Variants in IQGAP2 observed in about 807,000 individuals in gnomAD.
The protein encoded by IQGAP2 is IQ motif containing GTPase activating protein 2.
Under a neutral mutation model 201.3 loss-of-function variants are expected in IQGAP2, and 173 were observed. The ratio of observed to expected loss-of-function variants is 0.86; its 90% CI spans 0.76 to 0.98. The LOEUF (loss-of-function observed/expected upper bound fraction) is 0.98, where lower values mean the gene tolerates loss of function less well. Ranked by LOEUF, IQGAP2 falls within the 50% of genes least tolerant of loss-of-function variation. The pLI is 0.00. For synonymous variants in IQGAP2, 675 were observed against 673.9 expected, an observed-to-expected ratio of 1.00 and a Z score of -0.03; for missense variants, 1,687 against 1,864.8, an observed-to-expected ratio of 0.90 and a Z score of 1.76.
At position 76,677,291 on chromosome 5, in the gene IQGAP2, G is replaced by A. The variant is rs1280502923; in HGVS notation, c.3601G>A (p.Val1201Met). The part of the protein sequence containing the change: ...KFNMDKYTDL[V>M]TVSKPVIYIS... The stretch of plus-strand genomic sequence containing the variant: ...TAATATGGACAAATACACAGACCTG[G>A]TGACAGTCAGCAAACCAGTCATTTA... The change falls in exon 28 of 36, where the codon GTG becomes ATG. Residue 1201 changes from valine to methionine, a missense_variant. Physicochemically the swap from Val to Met is conservative, Grantham distance 21. Coordinates refer to ENST00000274364, the MANE Select transcript of IQGAP2 (RefSeq NM_006633.5). The A allele has an allele frequency of 6.2e-7, 1 of 1,613,452 alleles. No individual in the cohort carries two copies. Among genetic ancestry groups the A allele is most frequent in the Non-Finnish European group, 8.5e-7 (1 of 1,179,616 alleles).
intron 1 of IQGAP2, among the ~76,000 whole-genome samples, chr5:76,452,749 T>A (rs1753837111): frequency 6.6e-6 from 1 of 152,112 alleles, no homozygotes; most frequent in Non-Finnish European, 1.5e-5. Flanking sequence ...GCACTTCAGT[T>A]TAGTAGAAAG....
chr5:76,463,759 T>C (rs561383920), intron 2 of IQGAP2, among the ~76,000 whole-genome samples: 99 of 152,336 alleles, frequency 6.5e-4, no homozygotes, highest in African/African-American at 2.3e-3. Flanking sequence ...CTAAGATGGC[T>C]TTTCATAAAT....
intron 17 of IQGAP2, among the ~76,000 whole-genome samples, chr5:76,643,362 A>G (rs1751746356): frequency 6.6e-6 from 1 of 152,262 alleles, no homozygotes; most frequent in African/African-American, 2.4e-5. Flanking sequence ...AAAATCCACA[A>G]AAGATGAGAG....
At chr5:76,595,872 A>G (rs1172310642) in intron 9 of IQGAP2, among the ~76,000 whole-genome samples, 4 of 152,200 alleles carry the variant, frequency 2.6e-5, no homozygotes, top group Admixed American at 1.3e-4. Flanking sequence ...TAAATTTATC[A>G]AAGGTAAAGC....
At position 76,665,023 on chromosome 5, in the gene IQGAP2, C is replaced by G. The variant is rs781064071; in HGVS notation, c.2530-3C>G. The G allele has an allele frequency of 2.7e-6, 4 of 1,502,150 alleles. No homozygotes were observed. The East Asian group carries it at 6.8e-5, about 25-fold the overall frequency. 93.1% of individuals were successfully genotyped at this position (1,502,150 alleles called of 1,614,324 possible). On this transcript the variant is annotated splice_polypyrimidine_tract_variant and splice_region_variant and intron_variant, in intron 21 of 35. Transcript: ENST00000274364. ...AGGAGTAATCTCATCAAATTTTTTA[C>G]AGGATGTAATTTCACATAGTAAAAA... is the stretch of plus-strand genomic sequence containing the variant.
At chr5:76,695,301 C>G (rs1005185887) in intron 31 of IQGAP2, among the ~76,000 whole-genome samples, 153 bp from the exon 32 acceptor site, 1 of 152,202 alleles carries the variant, frequency 6.6e-6, no homozygotes, top group Non-Finnish European at 1.5e-5. Flanking sequence ...CAAAGACCTA[C>G]TTCAAAACTC....
intron 2 of IQGAP2, among the ~76,000 whole-genome samples, chr5:76,551,465 G>C (rs959298393): frequency 1.3e-5 from 2 of 152,152 alleles, no homozygotes; most frequent in Non-Finnish European, 2.9e-5. Flanking sequence ...CGGCCGGGCA[G>C]AGGCTGCAAT....
intron 1 of IQGAP2, among the ~76,000 whole-genome samples, chr5:76,435,784 A>G (rs1752617771): frequency 6.6e-6 from 1 of 152,126 alleles, no homozygotes; most frequent in Non-Finnish European, 1.5e-5. Flanking sequence ...CAGTATGGTC[A>G]TTTTCACAAT....
intron 8 of IQGAP2, among the ~76,000 whole-genome samples, chr5:76,591,437 G>A (rs887935879): frequency 1.3e-5 from 2 of 152,096 alleles, no homozygotes; most frequent in African/African-American, 2.4e-5. Flanking sequence ...GTCCATTATT[G>A]AAAAATTTGT....
At chr5:76,413,097 A>G (rs1020894443) in intron 1 of IQGAP2, among the ~76,000 whole-genome samples, 5 of 139,558 alleles carry the variant, frequency 3.6e-5, no homozygotes, top group African/African-American at 1.4e-4. Context: ...GTTCTTTTTC[A>G]CTTTAACAGA....
At chr5:76,667,573 T>A (rs1205457737) in intron 22 of IQGAP2, among the ~76,000 whole-genome samples, 2 of 152,176 alleles carry the variant, frequency 1.3e-5, no homozygotes, top group African/African-American at 4.8e-5. Flanking sequence ...TGGTTCTGTA[T>A]CCAATGGGTC....
At chr5:76,537,530 G>A (rs1011074033) in intron 2 of IQGAP2, among the ~76,000 whole-genome samples, 1 of 151,162 alleles carries the variant, frequency 6.6e-6, no homozygotes, top group African/African-American at 2.4e-5. Flanking sequence ...TTCTGCTAAA[G>A]GTCAGACTGT....
chr5:76,693,339 T>A lies in IQGAP2; in HGVS notation c.3906-16T>A. 1 of 1,594,534 alleles carries A rather than the reference T, an allele frequency of 6.3e-7. No individual in the cohort carries two copies. The highest frequency in any genetic ancestry group is 8.6e-7 in the Non-Finnish European group (1 of 1,165,568). On this transcript the variant is annotated splice_polypyrimidine_tract_variant and intron_variant, in intron 30 of 35. Coordinates refer to ENST00000274364, the MANE Select transcript of IQGAP2 (RefSeq NM_006633.5). ...ACTACAGTCTGAAAGTCTGTCTCTTTCTCTGGTTTGTTAAGGACCAAGAAG... is the reference window on the plus strand; with the variant it reads ...ACTACAGTCTGAAAGTCTGTCTCTTACTCTGGTTTGTTAAGGACCAAGAAG...
At chr5:76,600,772 G>A (rs1187982540) in intron 10 of IQGAP2, 40 bp from the exon 11 acceptor site, 1 of 1,609,654 alleles carries the variant, frequency 6.2e-7, no homozygotes, top group Non-Finnish European at 8.5e-7. Flanking sequence ...CATGAGGTGT[G>A]TTGTGTGGGG....
At chr5:76,558,323 A>T (rs1744092387) in intron 2 of IQGAP2, among the ~76,000 whole-genome samples, 1 of 152,006 alleles carries the variant, frequency 6.6e-6, no homozygotes, top group African/African-American at 2.4e-5. Context: ...ATATACCCCA[A>T]TTTCCAGGTT....
chr5:76,683,336 G>T, intron 29 of IQGAP2, 119 bp downstream of exon 29: 1 of 617,984 alleles, frequency 1.6e-6, no homozygotes, highest in Non-Finnish European at 2.8e-6. Flanking sequence ...TAATGCTTAA[G>T]CATATTTAAA....
chr5:76,617,602 TG>T, intron 13 of IQGAP2: 1 of 1,612,678 alleles, frequency 6.2e-7, no homozygotes, highest in African/African-American at 1.3e-5. Context: ...AGGTAAGCAG[TG>T]GAGTGATTTC....
chr5:76,677,027 G>A, intron 27 of IQGAP2, 191 bp from the exon 28 acceptor site: 3 of 547,790 alleles, frequency 5.5e-6, no homozygotes, highest in Non-Finnish European at 9.6e-6. Context: ...GAGGAGCTGG[G>A]TCCAATATCC....
In IQGAP2 at chr5:76,698,115, C is replaced by G; in HGVS notation, c.4335C>G (p.Tyr1445Ter). 1 of 1,605,872 alleles carries G rather than the reference C, an allele frequency of 6.2e-7. No homozygotes were observed. The highest frequency in any genetic ancestry group is 8.5e-7 in the Non-Finnish European group (1 of 1,173,332). ...AGCAAATCAATTATTATGACACCTA[C>G]ATAAAGACTTGTTTAGACAACTTAA... ...YEEQINYYDT[Y>*]IKTCLDNLKR... Residue 1445 changes from tyrosine (Y) to a stop codon, truncating the protein, a stop_gained, in exon 33 of 36, where the codon TAC (tyrosine) becomes TAG (stop). Coordinates refer to ENST00000274364, the MANE Select transcript of IQGAP2 (RefSeq NM_006633.5). LOFTEE classifies it high-confidence loss of function.
Sources: allele counts gnomAD v4.1 joint callset (sites outside exome capture counted in the v4.1 genomes callset), GRCh38; gene constraint gnomAD v4.1.1; transcripts MANE v1.5; gene names NCBI Gene and HGNC (gene_info 2026-07-23, HGNC 2026-07-21).